DTX4: variants seen among roughly 807,000 people sequenced by gnomAD.
DTX4 encodes E3 ubiquitin-protein ligase DTX4.
A neutral mutation model predicts 57.6 loss-of-function variants in DTX4; 28 were observed. The ratio of observed to expected loss-of-function variants is 0.49; its 90% CI spans 0.36 to 0.67. DTX4 has a LOEUF of 0.67. Ranked by LOEUF, DTX4 falls within the 30% of genes least tolerant of loss-of-function variation. The pLI, the probability that DTX4 is intolerant of heterozygous loss-of-function variation, is 0.00. For missense variants in DTX4, 715 were observed against 836.8 expected (o/e 0.85, Z 1.80); for synonymous variants, 316 against 331.0 (o/e 0.95, Z 0.49).
chr11:59,205,203 C>T lies in DTX4; in HGVS notation c.*294C>T. The T allele has an allele frequency of 2.6e-6, 1 of 380,528 alleles. No homozygotes were observed. 23.6% of individuals were successfully genotyped at this position (380,528 alleles called of 1,614,324 possible). ...AGGAATCCCCTCCCTACCCCACCTC[C>T]CAAGTAGGGGCATGGTCAGCACACC... On this transcript the variant is annotated 3_prime_UTR_variant, in exon 9 of 9. Coordinates refer to ENST00000227451, the MANE Select transcript of DTX4 (RefSeq NM_015177.2).
intron 1 of DTX4, among the ~76,000 whole-genome samples, chr11:59,180,708 A>G (rs1688490850): frequency 6.6e-6 from 1 of 152,152 alleles, no homozygotes; most frequent in Non-Finnish European, 1.5e-5. Context: ...GTTGAGGATG[A>G]GTCAGGATTC....
intron 8 of DTX4, among the ~76,000 whole-genome samples, chr11:59,200,275 G>T (rs1199280308): frequency 6.6e-6 from 1 of 152,178 alleles, no homozygotes; most frequent in African/African-American, 2.4e-5. Flanking sequence ...CTCCCACTGG[G>T]TCCCTCCCAC....
At chr11:59,195,481 A>G (rs924308438) in intron 7 of DTX4, 112 bp downstream of exon 7, 28 of 1,280,308 alleles carry the variant, frequency 2.2e-5, no homozygotes, top group Non-Finnish European at 2.9e-5. Context: ...CTTTTCCGCC[A>G]TCTACCCAGC....
intron 6 of DTX4, 25 bp from the exon 7 acceptor site, chr11:59,195,183 G>A (rs1473619548): frequency 3.1e-6 from 5 of 1,613,666 alleles, no homozygotes; most frequent in Non-Finnish European, 4.2e-6. Flanking sequence ...TTCCCAATCT[G>A]GCTCTTCTGG....
rs373376556 is a variant in DTX4, at chr11:59,192,192, G to C, written c.1316G>C (p.Arg439Thr). Reference protein sequence around the residue: ...VKPDLVGKLSRCGHVYHIYCL... With the variant: ...VKPDLVGKLSTCGHVYHIYCL... ...CCTGACCTGGTAGGGAAGCTGTCCA[G>C]ATGCGGCCACGTCTACCACATCTAC... The change falls in exon 6 of 9, where the codon AGA becomes ACA. Residue 439 changes from arginine to threonine, a missense_variant. Physicochemically the swap from Arg to Thr is moderately conservative, Grantham distance 71 (BLOSUM62 -1). Coordinates refer to ENST00000227451, the MANE Select transcript of DTX4 (RefSeq NM_015177.2). The C allele has an allele frequency of 1.3e-5, 21 of 1,613,868 alleles. No individual in the cohort carries two copies. The highest frequency in any genetic ancestry group is 1.8e-5 in the Non-Finnish European group (21 of 1,179,902).
At position 59,204,641 on chromosome 11, in the gene DTX4, T is replaced by C. The variant is rs529951313; in HGVS notation, c.1627-35T>C. 5.1e-6 allele frequency: 8 copies of C among 1,572,210 alleles called. No homozygotes were observed. In the South Asian group the frequency reaches 5.8e-5, roughly 11 times the overall value. Reference sequence around the variant, plus strand: ...GGGATAGTCTTTGACTGCCAATTAATGTCTGCCTTTCATGTCCCACTTTTA... The same window carrying C: ...GGGATAGTCTTTGACTGCCAATTAACGTCTGCCTTTCATGTCCCACTTTTA... On this transcript the variant is annotated intron_variant, in intron 8 of 8. Transcript: ENST00000227451.
At chr11:59,186,260 G>C (rs531060705) in intron 2 of DTX4, among the ~76,000 whole-genome samples, 1 of 152,246 alleles carries the variant, frequency 6.6e-6, no homozygotes, top group East Asian at 1.9e-4. Context: ...CTGAGTTCTT[G>C]AGCTGCCTGA....
rs1164417707 is a variant in DTX4, at chr11:59,187,485, AC to A, written c.936-1245del. The stretch of plus-strand genomic sequence containing the variant: ...GCCATGAGCCATGTGTTCACTGCTG[AC>A]CCCCAGCATCGGGAATAGCAAACAA... On this transcript the variant is annotated intron_variant, in intron 2 of 8. Transcript: ENST00000227451. 5.3e-5 allele frequency among the ~76,000 whole-genome samples: 8 copies of A among 152,286 alleles called. 1 individual carries two copies. The South Asian group carries it at 1.0e-3, about 20-fold the overall frequency.
At chr11:59,179,336 G>A (rs1159264187) in intron 1 of DTX4, among the ~76,000 whole-genome samples, 1 of 152,198 alleles carries the variant, frequency 6.6e-6, no homozygotes, top group Non-Finnish European at 1.5e-5. Context: ...GCCAAAAACA[G>A]CCTGAAGGCT....
intron 2 of DTX4, 86 bp from the exon 3 acceptor site, chr11:59,188,649 C>A: frequency 8.3e-7 from 1 of 1,209,220 alleles, no homozygotes; most frequent in Non-Finnish European, 1.2e-6. Context: ...GTGTTAAGCA[C>A]TTAACTGCAT....
intron 1 of DTX4, among the ~76,000 whole-genome samples, chr11:59,179,635 G>C (rs1862437880): frequency 6.6e-6 from 1 of 152,146 alleles, no homozygotes; most frequent in Admixed American, 6.5e-5. Context: ...TCCCCACCTT[G>C]TTCACTCTTC....
chr11:59,205,074 A>G lies in DTX4; in HGVS notation c.*165A>G. On this transcript the variant is annotated 3_prime_UTR_variant, in exon 9 of 9. Coordinates refer to ENST00000227451, the MANE Select transcript of DTX4 (RefSeq NM_015177.2). ...CCCTCCCAACCACAGTGGGAGCCAGACTGAATATAGCGACATCATTCATAA... is the reference window on the plus strand; with the variant it reads ...CCCTCCCAACCACAGTGGGAGCCAGGCTGAATATAGCGACATCATTCATAA... 4.8e-6 allele frequency: 3 copies of G among 621,346 alleles called. No homozygotes were observed. The South Asian group carries it at 5.8e-5, about 12-fold the overall frequency. 38.5% of individuals were successfully genotyped at this position (621,346 alleles called of 1,614,324 possible).
At chr11:59,181,105 G>A (rs540231228) in intron 1 of DTX4, among the ~76,000 whole-genome samples, 10 of 152,078 alleles carry the variant, frequency 6.6e-5, no homozygotes, top group South Asian at 2.1e-4. Context: ...CAGCCTTCCC[G>A]CATGCAGGCA....
rs536418396 is a variant in DTX4 at position 59,191,359 on chromosome 11, C to T, written c.1221+184C>T. Among the ~76,000 whole-genome samples the T allele has an allele frequency of 2.4e-4, 36 of 152,322 alleles. 1 individual carries two copies. The highest frequency in any genetic ancestry group is 7.2e-4 in the African/African-American group (30 of 41,558). On this transcript the variant is annotated intron_variant, in intron 5 of 8. Coordinates refer to ENST00000227451, the MANE Select transcript of DTX4 (RefSeq NM_015177.2). ...TCCAGAGCTGCAGCTGCACCTCAAT[C>T]TCTCCCGCCTCCCCCTTCAGCATAG...
chr11:59,199,529 A>G (rs1174783523), intron 7 of DTX4, among the ~76,000 whole-genome samples, 155 bp from the exon 8 acceptor site: 1 of 152,250 alleles, frequency 6.6e-6, no homozygotes, highest in African/African-American at 2.4e-5. Flanking sequence ...AACACGTGCT[A>G]AATGACCACT....
chr11:59,188,423 G>A (rs573517362), intron 2 of DTX4, among the ~76,000 whole-genome samples: 1 of 152,320 alleles, frequency 6.6e-6, no homozygotes, highest in Admixed American at 6.5e-5. Flanking sequence ...AGGCAGGAGT[G>A]CACCTGGCTC....
At chr11:59,191,424 A>G (rs1441461970) in intron 5 of DTX4, among the ~76,000 whole-genome samples, 2 of 152,218 alleles carry the variant, frequency 1.3e-5, no homozygotes, top group African/African-American at 4.8e-5. Context: ...GACAGTCTCA[A>G]TTTAGGAAAA....
chr11:59,207,812 G>A lies in DTX4; in HGVS notation c.*2903G>A, dbSNP rs1862833113. 6.6e-6 allele frequency: 1 copy of A among 152,580 alleles called. No individual in the cohort carries two copies. The allele number at this position is 152,580 out of a possible 1,614,324, so 9.5% of individuals were successfully genotyped here. A position where few individuals can be genotyped will look rare whatever the true frequency, so the allele number is the denominator to read the frequency against. On this transcript the variant is annotated 3_prime_UTR_variant, in exon 9 of 9. Transcript: ENST00000227451. ...GCTCATCCCCTAAAAGGTTAATTGT[G>A]TATTTGTGGCTGCGTGTGCCTTTGT...
chr11:59,201,309 G>A (rs909378031), intron 8 of DTX4, among the ~76,000 whole-genome samples: 2 of 152,176 alleles, frequency 1.3e-5, no homozygotes, highest in African/African-American at 4.8e-5. Flanking sequence ...TAGCAATTTC[G>A]TGAGGACACA....
Sources: gnomAD v4.1 joint callset for allele counts (sites outside exome capture counted in the v4.1 genomes callset) on GRCh38, gnomAD v4.1.1 for gene constraint, MANE v1.5 for transcripts, NCBI Gene and HGNC (gene_info 2026-07-23, HGNC 2026-07-21) for gene names.